Variants in TMEM132B observed in about 807,000 individuals in gnomAD.
TMEM132B encodes transmembrane protein 132B.
Under a neutral mutation model 90.8 loss-of-function variants are expected in TMEM132B, and 18 were observed. The observed-to-expected ratio is 0.20, with a 90% CI of 0.14 to 0.29. The LOEUF (loss-of-function observed/expected upper bound fraction) is 0.29. Among genes scored for constraint, TMEM132B ranks in the 10% least tolerant of loss-of-function variants. TMEM132B has a pLI of 1.00. For missense variants in TMEM132B, 1,096 were observed against 1,326.8 expected (o/e 0.83, Z 2.70); for synonymous variants, 504 against 523.3 (o/e 0.96, Z 0.50).
At position 125,484,438 on chromosome 12, in the gene TMEM132B, G is replaced by T. The variant is rs148141770; in HGVS notation, c.1107-35001G>T. ...CGTCCTACTCTGCACTGATCAAGGG[G>T]TGAGGAGCTGACCGATGGTCAGCCG... On this transcript the variant is annotated intron_variant, in intron 3 of 8. Coordinates refer to ENST00000682704, the MANE Select transcript of TMEM132B (RefSeq NM_001366854.1). 1.4e-3 allele frequency among the ~76,000 whole-genome samples: 216 copies of T among 152,212 alleles called. 1 individual carries two copies. The highest frequency in any genetic ancestry group is 5.0e-3 in the African/African-American group (207 of 41,534).
At chr12:125,244,026 G>A (rs977308112) in intron 1 of TMEM132B, among the ~76,000 whole-genome samples, 1 of 152,124 alleles carries the variant, frequency 6.6e-6, no homozygotes, top group Non-Finnish European at 1.5e-5. Flanking sequence ...TGCAGCCTTT[G>A]TGTCTGGCTT....
At chr12:125,544,322 C>G (rs1884033187) in intron 4 of TMEM132B, among the ~76,000 whole-genome samples, 1 of 152,028 alleles carries the variant, frequency 6.6e-6, no homozygotes. Context: ...CACATCCTGC[C>G]CATGTACCCC....
intron 4 of TMEM132B, among the ~76,000 whole-genome samples, chr12:125,565,199 C>G (rs1351960535): frequency 6.6e-6 from 1 of 152,160 alleles, no homozygotes; most frequent in African/African-American, 2.4e-5. Context: ...GAGGCTTTAC[C>G]CCCACCCCAA....
At chr12:125,269,800 CT>C (rs1383684726) in intron 1 of TMEM132B, among the ~76,000 whole-genome samples, 22 of 152,224 alleles carry the variant, frequency 1.4e-4, no homozygotes, top group Admixed American at 1.2e-3. Context: ...GTATCCAGAA[CT>C]GGTATGGCAG....
chr12:125,474,543 T>G (rs1881820049), intron 3 of TMEM132B, among the ~76,000 whole-genome samples: 1 of 152,110 alleles, frequency 6.6e-6, no homozygotes, highest in South Asian at 2.1e-4. Flanking sequence ...CCTGCTTCAG[T>G]CTCCCAAAGT....
intron 1 of TMEM132B, among the ~76,000 whole-genome samples, chr12:125,206,764 G>A (rs977304563): frequency 2.0e-5 from 3 of 152,166 alleles, no homozygotes; most frequent in Non-Finnish European, 4.4e-5. Flanking sequence ...TCCTCTACAG[G>A]GGATTCATTT....
chr12:125,432,914 C>T (rs1197652480), intron 3 of TMEM132B, among the ~76,000 whole-genome samples: 5 of 152,166 alleles, frequency 3.3e-5, no homozygotes, highest in Admixed American at 6.5e-5. Flanking sequence ...AGACACACTT[C>T]GTAGTTCACT....
At chr12:125,283,711 G>A (rs941833341) in intron 1 of TMEM132B, among the ~76,000 whole-genome samples, 3 of 152,246 alleles carry the variant, frequency 2.0e-5, no homozygotes, top group Admixed American at 2.0e-4. Context: ...CTTGTCTGGT[G>A]CAGACCAAGG....
At chr12:125,248,118 G>C (rs1220516819) in intron 1 of TMEM132B, among the ~76,000 whole-genome samples, 3 of 152,164 alleles carry the variant, frequency 2.0e-5, no homozygotes, top group Non-Finnish European at 4.4e-5. Flanking sequence ...AGGAAAGAGA[G>C]TCTGAAAAGA....
At chr12:125,551,058 C>T (rs1052589790) in intron 4 of TMEM132B, among the ~76,000 whole-genome samples, 1 of 152,268 alleles carries the variant, frequency 6.6e-6, no homozygotes, top group African/African-American at 2.4e-5. Flanking sequence ...GGTGATCCGC[C>T]CGCCTCGGCC....
At chr12:125,538,072 C>T (rs1264155654) in intron 4 of TMEM132B, among the ~76,000 whole-genome samples, 1 of 152,186 alleles carries the variant, frequency 6.6e-6, no homozygotes, top group African/African-American at 2.4e-5. Context: ...AAGTCTCCAT[C>T]CGCTGTGCTT....
Position 125,585,969 on chromosome 12 carries a change from T to C in TMEM132B, c.1437+1975T>C, listed in dbSNP as rs373702327. The C allele has an allele frequency of 1.3e-4, 20 of 152,360 alleles. No individual in the cohort carries two copies. In the South Asian group the frequency reaches 1.4e-3, roughly 11 times the overall value. 9.4% of individuals were successfully genotyped at this position (152,360 alleles called of 1,614,324 possible). A position where few individuals can be genotyped will look rare whatever the true frequency, so the allele number is the denominator to read the frequency against. On this transcript the variant is annotated intron_variant, in intron 5 of 8. Transcript: ENST00000682704. ...TTGAGGCGATTTAATTAAATGGCTG[T>C]GATGCATTTACTATGGCTTCAGTGT...
chr12:125,368,835 A>G (rs1169346763), intron 2 of TMEM132B, among the ~76,000 whole-genome samples: 1 of 152,112 alleles, frequency 6.6e-6, no homozygotes, highest in African/African-American at 2.4e-5. Flanking sequence ...AATTTGTTCC[A>G]TGACAGGAAT....
chr12:125,483,600 A>G (rs115118412), intron 3 of TMEM132B, among the ~76,000 whole-genome samples: 3,695 of 152,290 alleles, frequency 0.024, 157 homozygotes, highest in African/African-American at 0.084. Flanking sequence ...GACAGGGACT[A>G]TTGCTTTGAG....
intron 3 of TMEM132B, among the ~76,000 whole-genome samples, chr12:125,464,981 C>G (rs1338109040): frequency 6.6e-6 from 1 of 152,142 alleles, no homozygotes; most frequent in Non-Finnish European, 1.5e-5. Flanking sequence ...TCTGCAGTGC[C>G]CTTTGGTCTG....
intron 1 of TMEM132B, among the ~76,000 whole-genome samples, chr12:125,211,766 G>A (rs886376320): frequency 6.6e-6 from 1 of 152,166 alleles, no homozygotes; most frequent in Non-Finnish European, 1.5e-5. Flanking sequence ...GCTTCTCGCT[G>A]GCAAGGATGA....
chr12:125,214,561 C>A (rs1241267779), intron 1 of TMEM132B, among the ~76,000 whole-genome samples: 1 of 152,202 alleles, frequency 6.6e-6, no homozygotes, highest in Non-Finnish European at 1.5e-5. Flanking sequence ...ATCCCTCTGG[C>A]TGGACCACGT....
chr12:125,407,579 C>G lies in TMEM132B; in HGVS notation c.960-7952C>G, dbSNP rs1879537513. Reference sequence around the variant, plus strand: ...TCCAGTTGTCTTTCTTTTGACTTATCTACAGCAGCTAGAATGTCTCTCTCC... The same window carrying G: ...TCCAGTTGTCTTTCTTTTGACTTATGTACAGCAGCTAGAATGTCTCTCTCC... On this transcript the variant is annotated intron_variant, in intron 2 of 8. Transcript: ENST00000682704. The surrounding 1 kb of genome is among the most constrained non-coding windows in gnomAD (Gnocchi z 6.7). 6.6e-6 allele frequency among the ~76,000 whole-genome samples: 1 copy of G among 152,198 alleles called. No homozygotes were observed. The highest frequency in any genetic ancestry group is 1.5e-5 in the Non-Finnish European group (1 of 68,042).
At chr12:125,331,026 TC>T (rs1876750514) in intron 1 of TMEM132B, among the ~76,000 whole-genome samples, 1 of 152,266 alleles carries the variant, frequency 6.6e-6, no homozygotes. Flanking sequence ...AATCGGGGTT[TC>T]GTCTCTGGAA....
Sources: gnomAD v4.1 joint callset for allele counts (sites outside exome capture counted in the v4.1 genomes callset) on GRCh38, gnomAD v4.1.1 for gene constraint, Gnocchi (gnomAD v3.1) non-coding constraint, MANE v1.5 for transcripts, NCBI Gene and HGNC (gene_info 2026-07-23, HGNC 2026-07-21) for gene names.